The following FRMPD4 variants were observed in gnomAD, a reference collection of about 807,000 sequenced individuals.
FRMPD4 encodes FERM and PDZ domain containing 4.
In FRMPD4, 22 loss-of-function variants were observed where a neutral mutation model predicts 94.1. The ratio of observed to expected loss-of-function variants is 0.23; its 90% CI spans 0.17 to 0.33. FRMPD4 has a LOEUF of 0.33. Among genes scored for constraint, FRMPD4 ranks in the 10% least tolerant of loss-of-function variants. The pLI, the probability that FRMPD4 is intolerant of heterozygous loss-of-function variation, is 1.00. For synonymous variants in FRMPD4, 631 were observed against 548.6 expected (o/e 1.15, Z -2.10); for missense variants, 1,111 against 1,339.9 (o/e 0.83, Z 2.67).
chrX:12,653,864 T>C (rs2059624210), intron 4 of FRMPD4, among the ~76,000 whole-genome samples: 1 of 112,248 alleles, frequency 8.9e-6, no homozygotes, highest in Non-Finnish European at 1.9e-5. Flanking sequence ...ACCTCCCGGA[T>C]TCAAGCGATT....
intron 1 of FRMPD4, among the ~76,000 whole-genome samples, chrX:12,274,844 C>T (rs1207462984): frequency 8.9e-6 from 1 of 111,918 alleles, no homozygotes; most frequent in Non-Finnish European, 1.9e-5. Flanking sequence ...CCCGTCTCTA[C>T]TAAAAATACA....
chrX:12,538,104 C>A (rs928729143), intron 2 of FRMPD4, among the ~76,000 whole-genome samples: 1 of 111,361 alleles, frequency 9.0e-6, no homozygotes, highest in African/African-American at 3.3e-5. Context: ...GCAGACAGCA[C>A]CTGGAAAATC....
At chrX:12,704,994 C>T (rs982003522) in intron 11 of FRMPD4, among the ~76,000 whole-genome samples, 6 of 111,532 alleles carry the variant, frequency 5.4e-5, no homozygotes, top group African/African-American at 9.8e-5. Context: ...GGATGTTTAG[C>T]GGCACCCCTG....
At chrX:12,719,986 G>A (rs184371300) in intron 16 of FRMPD4, among the ~76,000 whole-genome samples, 1,367 of 73,447 alleles carry the variant, frequency 0.019, 19 homozygotes, top group African/African-American at 0.066. Flanking sequence ...TTAAAAGAAA[G>A]AAAGGAAAGA....
chrX:11,834,981 T>A (rs2053493773), intron 1 of FRMPD4, among the ~76,000 whole-genome samples: 1 of 112,187 alleles, frequency 8.9e-6, no homozygotes, highest in Non-Finnish European at 1.9e-5. Flanking sequence ...ATCTGTCATA[T>A]TTTTTTAATT....
At chrX:12,024,241 T>C (rs1413451218) in intron 3 of FRMPD4, among the ~76,000 whole-genome samples, 1 of 112,134 alleles carries the variant, frequency 8.9e-6, no homozygotes, top group Non-Finnish European at 1.9e-5. Context: ...TACGTGCATA[T>C]GTGTGTGTCT....
intron 1 of FRMPD4, among the ~76,000 whole-genome samples, chrX:12,353,161 A>G (rs1161957115): frequency 9.0e-6 from 1 of 111,544 alleles, no homozygotes; most frequent in African/African-American, 3.3e-5. Flanking sequence ...ATGGACTCAC[A>G]GGGAAGACTC....
intron 1 of FRMPD4, among the ~76,000 whole-genome samples, chrX:12,316,589 C>G (rs1014197332): frequency 8.9e-6 from 1 of 111,761 alleles, no homozygotes; most frequent in Non-Finnish European, 1.9e-5. Flanking sequence ...TATTTTGTAT[C>G]GAACATGACC....
chrX:12,636,008 G>A (rs1385326806), intron 4 of FRMPD4, among the ~76,000 whole-genome samples: 2 of 111,499 alleles, frequency 1.8e-5, no homozygotes, highest in Non-Finnish European at 3.8e-5. Context: ...CCATAGTTCA[G>A]TATGTGTCTC....
chrX:12,033,792 G>T (rs1167033841), intron 3 of FRMPD4, among the ~76,000 whole-genome samples: 1 of 111,904 alleles, frequency 8.9e-6, no homozygotes, highest in Non-Finnish European at 1.9e-5. Flanking sequence ...CTGCCTCCCG[G>T]GTTCAAGCAA....
intron 3 of FRMPD4, among the ~76,000 whole-genome samples, chrX:11,986,275 C>T (rs1441247806): frequency 1.8e-5 from 2 of 112,290 alleles, no homozygotes; most frequent in African/African-American, 6.5e-5. Context: ...AGAATTCTCC[C>T]AGATTTTATC....
At chrX:11,981,971 C>A (rs765459293) in intron 3 of FRMPD4, among the ~76,000 whole-genome samples, 1 of 111,715 alleles carries the variant, frequency 9.0e-6, no homozygotes, top group South Asian at 3.7e-4. Flanking sequence ...ATCTTTGTAA[C>A]TCTACAAATT....
chrX:12,448,045 A>G (rs1309889361), intron 1 of FRMPD4, among the ~76,000 whole-genome samples: 2 of 112,171 alleles, frequency 1.8e-5, no homozygotes, highest in African/African-American at 3.2e-5. Context: ...TGATATTTGT[A>G]GAATGGTAAT....
intron 3 of FRMPD4, among the ~76,000 whole-genome samples, chrX:12,073,526 G>A (rs182872423): frequency 2.1e-4 from 23 of 111,378 alleles, no homozygotes; most frequent in Admixed American, 1.2e-3. Context: ...TACAAAACCC[G>A]TCAATGGTCT....
intron 3 of FRMPD4, among the ~76,000 whole-genome samples, chrX:12,070,975 A>G (rs2054962322): frequency 8.9e-6 from 1 of 112,221 alleles, no homozygotes; most frequent in East Asian, 2.8e-4. Flanking sequence ...TATCTTGAAG[A>G]GTCAACTTTT....
chrX:12,169,018 T>A (rs1197676442), intron 1 of FRMPD4, among the ~76,000 whole-genome samples: 1 of 112,238 alleles, frequency 8.9e-6, no homozygotes, highest in African/African-American at 3.2e-5. Context: ...ATTAAACTTA[T>A]AATTCACGAT....
chrX:12,631,678 G>A (rs1000047642), intron 4 of FRMPD4, among the ~76,000 whole-genome samples: 9 of 111,416 alleles, frequency 8.1e-5, no homozygotes, highest in Non-Finnish European at 1.7e-4. Flanking sequence ...ACCTGAAGCA[G>A]GTTCATTGCT....
At chrX:11,979,214 A>G (rs907389902) in intron 3 of FRMPD4, among the ~76,000 whole-genome samples, 1 of 111,947 alleles carries the variant, frequency 8.9e-6, no homozygotes, top group Admixed American at 9.4e-5. Flanking sequence ...GTTTTAATAC[A>G]TAGGTATATA....
chrX:12,362,567 G>C (rs1417758021), intron 1 of FRMPD4, among the ~76,000 whole-genome samples: 6 of 111,297 alleles, frequency 5.4e-5, no homozygotes, highest in African/African-American at 2.0e-4. Context: ...AGTATTCCAT[G>C]GTGTATATGT....
Sources: gnomAD v4.1 joint callset for allele counts (sites outside exome capture counted in the v4.1 genomes callset) on GRCh38, gnomAD v4.1.1 for gene constraint, MANE v1.5 for transcripts, NCBI Gene and HGNC (gene_info 2026-07-23, HGNC 2026-07-21) for gene names.